ZNF536: variants seen among roughly 807,000 people sequenced by gnomAD.
The protein encoded by ZNF536 is zinc finger protein 536.
Under a neutral mutation model 84.5 loss-of-function variants are expected in ZNF536, and 13 were observed. That is an observed-to-expected ratio of 0.15 (90% CI 0.10 to 0.24). The LOEUF (loss-of-function observed/expected upper bound fraction) is 0.24, where lower values mean the gene tolerates loss of function less well. ZNF536 is among the 10% of genes least tolerant of loss of function. ZNF536 has a pLI of 1.00. For synonymous variants in ZNF536, 811 were observed against 742.5 expected (o/e 1.09, Z -1.50); for missense variants, 1,536 against 1,747.5 (o/e 0.88, Z 2.16).
chr19:30,628,104 C>T (rs568940522), intron 1 of ZNF536, among the ~76,000 whole-genome samples: 22 of 152,296 alleles, frequency 1.4e-4, no homozygotes, highest in Admixed American at 2.6e-4. Context: ...ACGAGGGTGC[C>T]CCAGACAGTG....
chr19:30,583,168 A>C (rs971452652), intron 1 of ZNF536, among the ~76,000 whole-genome samples: 4 of 152,180 alleles, frequency 2.6e-5, no homozygotes, highest in Non-Finnish European at 4.4e-5. Flanking sequence ...CATGGGCCTT[A>C]TCAACACTGA....
At chr19:30,435,185 CTGA>C (rs1163028081) in intron 1 of ZNF536, among the ~76,000 whole-genome samples, 4 of 134,838 alleles carry the variant, frequency 3.0e-5, no homozygotes, top group South Asian at 2.5e-4. Flanking sequence ...GATGCTGCTG[CTGA>C]TGATGATGCT....
At chr19:30,331,442 C>T (rs1277411204) in intron 2 of ZNF536, among the ~76,000 whole-genome samples, 2 of 151,710 alleles carry the variant, frequency 1.3e-5, no homozygotes, top group East Asian at 3.9e-4. Flanking sequence ...GATTTGTTTG[C>T]CAAGTGACTT....
At chr19:30,424,246 G>C (rs1215633498) in intron 1 of ZNF536, among the ~76,000 whole-genome samples, 1 of 152,216 alleles carries the variant, frequency 6.6e-6, no homozygotes, top group Non-Finnish European at 1.5e-5. Context: ...GGCTGCAGGG[G>C]GGTCTGGACT....
intron 2 of ZNF536, among the ~76,000 whole-genome samples, chr19:30,510,800 T>C (rs2055379608): frequency 6.6e-6 from 1 of 152,180 alleles, no homozygotes; most frequent in African/African-American, 2.4e-5. Context: ...CTGGGAGACA[T>C]GTCCTGCCTT....
chr19:30,259,123 G>T lies in ZNF536; in HGVS notation c.-189-24949G>T, dbSNP rs7253788. Reference sequence around the variant, plus strand: ...AGAAGCCTGTAGCAACTCAACCCCCGCTTTTTCATTTTGTTTGCAGTTGCG... The same window carrying T: ...AGAAGCCTGTAGCAACTCAACCCCCTCTTTTTCATTTTGTTTGCAGTTGCG... On this transcript the variant is annotated intron_variant, in intron 1 of 5. Coordinates refer to the ZNF536 transcript ENST00000585628. 3.9e-5 allele frequency among the ~76,000 whole-genome samples: 6 copies of T among 152,134 alleles called. No individual in the cohort carries two copies. The East Asian group carries it at 1.2e-3, about 29-fold the overall frequency.
intron 1 of ZNF536, among the ~76,000 whole-genome samples, chr19:30,238,977 A>G (rs78913135): frequency 1.3e-3 from 196 of 152,302 alleles, no homozygotes; most frequent in African/African-American, 4.5e-3. Context: ...TGACCACTGC[A>G]TTCAAGAAGA....
At chr19:30,440,756 A>G (rs1283469922) in intron 1 of ZNF536, among the ~76,000 whole-genome samples, 1 of 152,112 alleles carries the variant, frequency 6.6e-6, no homozygotes, top group African/African-American at 2.4e-5. Flanking sequence ...AAGAATAAGA[A>G]CAGAGCCAAC....
chr19:30,340,362 G>A (rs1457918572), intron 2 of ZNF536, among the ~76,000 whole-genome samples: 1 of 152,146 alleles, frequency 6.6e-6, no homozygotes, highest in Non-Finnish European at 1.5e-5. Context: ...GGTCCCGGAG[G>A]GGAGACCGCA....
At chr19:30,490,383 T>A (rs964243733) in intron 2 of ZNF536, among the ~76,000 whole-genome samples, 2 of 152,114 alleles carry the variant, frequency 1.3e-5, no homozygotes, top group Non-Finnish European at 2.9e-5. Flanking sequence ...CCCTTTCATC[T>A]CCAGGAGGGG....
chr19:30,550,749 A>T (rs1041561325), intron 4 of ZNF536, among the ~76,000 whole-genome samples: 4 of 152,188 alleles, frequency 2.6e-5, no homozygotes, highest in African/African-American at 9.6e-5. Context: ...ATTTAGATTG[A>T]TATATTTCTT....
intron 1 of ZNF536, among the ~76,000 whole-genome samples, chr19:30,623,543 GC>G (rs2147163885): frequency 6.6e-6 from 1 of 152,320 alleles, no homozygotes; most frequent in African/African-American, 2.4e-5. Context: ...TTGTGCTCAG[GC>G]CCAGCAGCCT....
rs76961097 is a variant in ZNF536 at position 30,439,710 on chromosome 19, C to A, written c.-2-3851C>A. 2.5e-3 allele frequency among the ~76,000 whole-genome samples: 373 copies of A among 152,162 alleles called. 13 individuals are homozygous for A. The East Asian group carries it at 0.062, about 25-fold the overall frequency. On this transcript the variant is annotated intron_variant, in intron 1 of 4. Coordinates refer to ENST00000355537, the MANE Select transcript of ZNF536 (RefSeq NM_014717.3). ...CCAGGCTTATTCAAGGGCTGGGGAC[C>A]AGTATCCTGGAAGCATCTCCTAGGG...
intron 1 of ZNF536, among the ~76,000 whole-genome samples, chr19:30,696,830 C>T (rs952116483): frequency 2.0e-5 from 3 of 152,100 alleles, no homozygotes; most frequent in Admixed American, 6.5e-5. Context: ...TGAAATCTGG[C>T]GACATCTAAG....
At chr19:30,569,781 A>G (rs890717134) in intron 1 of ZNF536, among the ~76,000 whole-genome samples, 2 of 151,846 alleles carry the variant, frequency 1.3e-5, no homozygotes, top group Non-Finnish European at 2.9e-5. Flanking sequence ...CATGTTGGCC[A>G]GGCTGGTCTC....
At chr19:30,467,413 C>T (rs1363691184) in intron 2 of ZNF536, among the ~76,000 whole-genome samples, 1 of 152,214 alleles carries the variant, frequency 6.6e-6, no homozygotes, top group East Asian at 1.9e-4. Context: ...ATGGCCTCCT[C>T]AAGATTCATT....
At chr19:30,364,343 T>G (rs1192112274) in intron 3 of ZNF536, among the ~76,000 whole-genome samples, 1 of 151,920 alleles carries the variant, frequency 6.6e-6, no homozygotes, top group African/African-American at 2.4e-5. Context: ...TTAGACAACA[T>G]AGGGAGACCC....
intron 2 of ZNF536, among the ~76,000 whole-genome samples, chr19:30,469,229 A>C (rs2053535628): frequency 6.6e-6 from 1 of 152,172 alleles, no homozygotes; most frequent in Non-Finnish European, 1.5e-5. Context: ...CCTGGCTAAC[A>C]TGGTGAAACC....
intron 2 of ZNF536, among the ~76,000 whole-genome samples, chr19:30,474,385 G>A (rs1489895722): frequency 6.6e-6 from 1 of 152,014 alleles, no homozygotes; most frequent in Non-Finnish European, 1.5e-5. Context: ...TACCCTGTGA[G>A]CACTGTGTAG....
Sources: allele counts gnomAD v4.1 joint callset (sites outside exome capture counted in the v4.1 genomes callset), GRCh38; gene constraint gnomAD v4.1.1; transcripts MANE v1.5; gene names NCBI Gene and HGNC (gene_info 2026-07-23, HGNC 2026-07-21).